Variants in CRPPA observed in about 807,000 individuals in gnomAD.
CRPPA encodes CDP-L-ribitol pyrophosphorylase A.
Under a neutral mutation model 52.0 loss-of-function variants are expected in CRPPA, and 43 were observed. The ratio of observed to expected loss-of-function variants is 0.83; its 90% CI spans 0.65 to 1.07. CRPPA has a LOEUF of 1.07. Ranked by LOEUF, CRPPA falls within the 50% of genes least tolerant of loss-of-function variation. The probability of loss-of-function intolerance (pLI) is 0.00; values close to 1 mark genes in which losing one functional copy is unlikely to be tolerated. For missense variants in CRPPA, 629 were observed against 551.7 expected, an observed-to-expected ratio of 1.14 and a Z score of -1.40; for synonymous variants, 250 against 203.5, an observed-to-expected ratio of 1.23 and a Z score of -1.94.
At chr7:16,124,070 T>TAGTTGGA (rs1782527921) in intron 9 of CRPPA, among the ~76,000 whole-genome samples, 1 of 151,654 alleles carries the variant, frequency 6.6e-6, no homozygotes, top group Admixed American at 6.6e-5. Flanking sequence ...AAATAACCAG[T>TAGTTGGA]AGTTGGATTG....
intron 8 of CRPPA, among the ~76,000 whole-genome samples, chr7:16,217,696 G>A (rs1281312384): frequency 1.4e-5 from 2 of 141,744 alleles, no homozygotes; most frequent in Admixed American, 7.1e-5. Flanking sequence ...TATCAGCAAT[G>A]GAAGATGAAA....
At chr7:16,346,479 T>C (rs1786017119) in intron 3 of CRPPA, among the ~76,000 whole-genome samples, 1 of 151,958 alleles carries the variant, frequency 6.6e-6, no homozygotes, top group South Asian at 2.1e-4. Flanking sequence ...ATGTTACAGG[T>C]TCAGCACCCA....
chr7:16,215,852 G>C (rs921714287), intron 9 of CRPPA, among the ~76,000 whole-genome samples: 1 of 152,108 alleles, frequency 6.6e-6, no homozygotes, highest in Non-Finnish European at 1.5e-5. Flanking sequence ...TGAGATGTTT[G>C]CTCATTAGCA....
At chr7:16,131,257 T>A (rs1212313384) in intron 9 of CRPPA, among the ~76,000 whole-genome samples, 1 of 152,110 alleles carries the variant, frequency 6.6e-6, no homozygotes, top group Non-Finnish European at 1.5e-5. Context: ...TACATTGCCA[T>A]GAACAGACCA....
intron 3 of CRPPA, 60 bp from the exon 4 acceptor site, chr7:16,308,687 GC>G: frequency 1.0e-6 from 1 of 1,002,494 alleles, no homozygotes; most frequent in East Asian, 2.5e-5. Context: ...GTAAAACCAA[GC>G]CTTTTATTTC....
chr7:16,279,931 GC>G (rs1372558078), intron 5 of CRPPA, among the ~76,000 whole-genome samples: 2 of 152,194 alleles, frequency 1.3e-5, no homozygotes, highest in Admixed American at 6.5e-5. Flanking sequence ...GGCTGGGGAG[GC>G]CTCACAATCA....
intron 2 of CRPPA, among the ~76,000 whole-genome samples, chr7:16,385,190 C>A (rs1787225445): frequency 6.6e-6 from 1 of 151,272 alleles, no homozygotes; most frequent in Non-Finnish European, 1.5e-5. Context: ...AAGTACACAA[C>A]AATTTTGTAT....
At chr7:16,388,492 G>C (rs1405890421) in intron 2 of CRPPA, among the ~76,000 whole-genome samples, 1 of 152,032 alleles carries the variant, frequency 6.6e-6, no homozygotes, top group Non-Finnish European at 1.5e-5. Flanking sequence ...GGGGAAAGAA[G>C]AACTAAAATT....
At chr7:16,094,104 C>A (rs1781890516) in intron 9 of CRPPA, among the ~76,000 whole-genome samples, 1 of 152,078 alleles carries the variant, frequency 6.6e-6, no homozygotes, top group Non-Finnish European at 1.5e-5. Flanking sequence ...TTGATAGCTC[C>A]ATAATGTACA....
rs140261407 is a variant in CRPPA, at chr7:16,139,913, C to A, written c.1252-48114G>T. ...AGAGCAGATAATCTGCTGCAAGATGCAGAAAAGTATCTTGTTTGATATACT... is the reference window on the plus strand; with the variant it reads ...AGAGCAGATAATCTGCTGCAAGATGAAGAAAAGTATCTTGTTTGATATACT... On this transcript the variant is annotated intron_variant, in intron 9 of 9. Transcript: ENST00000407010. 2.8e-3 allele frequency among the ~76,000 whole-genome samples: 431 copies of A among 151,840 alleles called. 7 individuals are homozygous for A. Among genetic ancestry groups the A allele is most frequent in the East Asian group, 0.013 (68 of 5,184 alleles).
chr7:16,381,180 G>A (rs994689904), intron 2 of CRPPA, among the ~76,000 whole-genome samples: 19 of 152,092 alleles, frequency 1.2e-4, no homozygotes, highest in African/African-American at 3.9e-4. Context: ...CACAGATTCC[G>A]GTATGTTGTT....
intron 9 of CRPPA, among the ~76,000 whole-genome samples, chr7:16,111,860 T>C (rs143623745): frequency 9.6e-4 from 146 of 152,302 alleles, no homozygotes; most frequent in Middle Eastern, 6.8e-3. Flanking sequence ...GTGGTGAATA[T>C]AGTTAATAAT....
At chr7:16,206,561 C>G (rs1781977466) in intron 9 of CRPPA, among the ~76,000 whole-genome samples, 1 of 150,256 alleles carries the variant, frequency 6.7e-6, no homozygotes, top group African/African-American at 2.5e-5. Context: ...AGTACAAATT[C>G]TGAACCTTTT....
chr7:16,269,132 T>C (rs931600538), intron 6 of CRPPA: 23 of 152,354 alleles, frequency 1.5e-4, no homozygotes, highest in African/African-American at 4.8e-4. Context: ...TGGTTCATCA[T>C]GCTCTCATCT....
intron 9 of CRPPA, among the ~76,000 whole-genome samples, chr7:16,174,283 G>A (rs1420156292): frequency 6.6e-6 from 1 of 152,128 alleles, no homozygotes; most frequent in Non-Finnish European, 1.5e-5. Context: ...GTTCAGGATT[G>A]CCAGTCTTCA....
At chr7:16,325,307 G>A (rs1054166277) in intron 3 of CRPPA, among the ~76,000 whole-genome samples, 2 of 152,182 alleles carry the variant, frequency 1.3e-5, no homozygotes, top group African/African-American at 4.8e-5. Context: ...ACAAACCATA[G>A]ATTAGACAGA....
intron 5 of CRPPA, among the ~76,000 whole-genome samples, chr7:16,286,070 TATA>T (rs1784435020): frequency 4.6e-5 from 1 of 21,772 alleles, no homozygotes; most frequent in East Asian, 9.4e-4. Flanking sequence ...TATATATATA[TATA>T]TATATATAAT....
intron 9 of CRPPA, among the ~76,000 whole-genome samples, chr7:16,102,756 T>C (rs941122468): frequency 6.6e-5 from 10 of 152,180 alleles, no homozygotes; most frequent in African/African-American, 2.4e-4. Context: ...CACAATGAGA[T>C]GCCATCTCAC....
At chr7:16,216,946 A>T (rs910018693) in intron 8 of CRPPA, among the ~76,000 whole-genome samples, 10 of 152,060 alleles carry the variant, frequency 6.6e-5, no homozygotes, top group Non-Finnish European at 1.5e-4. Context: ...ACCACAGCTC[A>T]AGGAGGCCTG....
Sources: gnomAD v4.1 joint callset for allele counts (sites outside exome capture counted in the v4.1 genomes callset) on GRCh38, gnomAD v4.1.1 for gene constraint, MANE v1.5 for transcripts, NCBI Gene and HGNC (gene_info 2026-07-23, HGNC 2026-07-21) for gene names.